Variants in SLCO4A1 observed in about 807,000 individuals in gnomAD.
SLCO4A1 encodes the protein solute carrier organic anion transporter family member 4A1, also known as colon organic anion transporter.
A neutral mutation model predicts 64.6 loss-of-function variants in SLCO4A1; 51 were observed. The observed-to-expected ratio is 0.79, with a 90% CI of 0.63 to 1.00. SLCO4A1 has a LOEUF of 1.00. Ranked by LOEUF, SLCO4A1 falls within the 50% of genes least tolerant of loss-of-function variation. The pLI is 0.00. For synonymous variants in SLCO4A1, 471 were observed against 444.9 expected, an observed-to-expected ratio of 1.06 and a Z score of -0.74; for missense variants, 919 against 980.5, an observed-to-expected ratio of 0.94 and a Z score of 0.84.
In SLCO4A1 at chr20:62,672,206, G is replaced by T; in HGVS notation, c.*313G>T. ...CCGCAGGGGCTGTGAATCCCACTGG[G>T]AGGGCGGTGGGCCTGCAGCCTGAGG... On this transcript the variant is annotated 3_prime_UTR_variant, in exon 12 of 12. Transcript: ENST00000217159. The T allele has an allele frequency of 7.7e-7, 1 of 1,296,670 alleles. No individual in the cohort carries two copies. The highest frequency in any genetic ancestry group is 1.7e-5 in the South Asian group (1 of 60,148). The allele number at this position is 1,296,670 out of a possible 1,614,324, so 80.3% of individuals were successfully genotyped here.
Position 62,657,019 on chromosome 20 carries a change from C to A in SLCO4A1, c.565C>A (p.Leu189Met), listed in dbSNP as rs1569129334. 1 of 1,584,994 alleles carries A rather than the reference C, an allele frequency of 6.3e-7. No individual in the cohort carries two copies. The highest frequency in any genetic ancestry group is 8.6e-7 in the Non-Finnish European group (1 of 1,161,744). The change falls in exon 2 of 12, where the codon CTG becomes ATG. Residue 189 changes from leucine (L) to methionine (M), a missense_variant. By Grantham distance (15) the Leu-to-Met change is conservative. Transcript: ENST00000217159. ...LMGTGSLVFALPHFTAGRYEV... is the reference protein window; with the variant it reads ...LMGTGSLVFAMPHFTAGRYEV... ...GGGCACGGGGTCGCTGGTGTTCGCG[C>A]TGCCCCACTTCACGGCTGGCCGCTA...
At chr20:62,667,604 T>G (rs1601670599) in intron 7 of SLCO4A1, 141 bp from the exon 8 acceptor site, 1 of 953,718 alleles carries the variant, frequency 1.0e-6, no homozygotes, top group Non-Finnish European at 1.6e-6. Context: ...CCCAGCGTGC[T>G]GGGGGCGGTG....
At chr20:62,643,937 A>G (rs1413567992) in intron 1 of SLCO4A1, among the ~76,000 whole-genome samples, 2 of 152,172 alleles carry the variant, frequency 1.3e-5, no homozygotes, top group Non-Finnish European at 2.9e-5. Flanking sequence ...AGGTTAAGTG[A>G]TTGACTCTAG....
intron 2 of SLCO4A1, among the ~76,000 whole-genome samples, chr20:62,681,482 A>C (rs1312953855): frequency 8.6e-6 from 1 of 116,946 alleles, no homozygotes; most frequent in African/African-American, 3.4e-5. Context: ...GTGTGTGTTA[A>C]GCTGTGTGTA....
chr20:62,658,639 G>T, intron 2 of SLCO4A1, 38 bp from the exon 3 acceptor site: 1 of 1,538,546 alleles, frequency 6.5e-7, no homozygotes, highest in Non-Finnish European at 8.9e-7. Flanking sequence ...GCCCCTGGGT[G>T]GTGCACAGCG....
At chr20:62,653,147 C>T (rs1982922752) in intron 1 of SLCO4A1, among the ~76,000 whole-genome samples, 2 of 152,248 alleles carry the variant, frequency 1.3e-5, no homozygotes, top group African/African-American at 4.8e-5. Context: ...CCGCCTTCGT[C>T]CCAAGGAGCC....
downstream of SLCO4A1, among the ~76,000 whole-genome samples, chr20:62,689,650 G>A (rs993312767): frequency 2.6e-5 from 4 of 152,162 alleles, no homozygotes; most frequent in African/African-American, 4.8e-5. Context: ...CCTGGGGACC[G>A]CCCCTTTCCA....
downstream of SLCO4A1, among the ~76,000 whole-genome samples, chr20:62,675,198 C>T (rs1455624711): frequency 6.6e-6 from 1 of 152,160 alleles, no homozygotes; most frequent in Non-Finnish European, 1.5e-5. Context: ...CAGGGAGCGG[C>T]CCCCAAAGCG....
chr20:62,661,040 C>CCCCCCCCCCCCCCCCAAA lies in SLCO4A1; in HGVS notation c.1010-23_1010-22insCCCCCCCCCCCCCCAAAC. 2.1e-6 allele frequency: 3 copies of CCCCCCCCCCCCCCCCAAA among 1,395,920 alleles called. No homozygotes were observed. The highest frequency in any genetic ancestry group is 2.0e-6 in the Non-Finnish European group (2 of 984,524). The allele number at this position is 1,395,920 out of a possible 1,614,324, so 86.5% of individuals were successfully genotyped here. ...CTCCGGGAGCCCCCAGCCCCCAGCC[C>CCCCCCCCCCCCCCCCAAA]CAGCTCACTCTGTGCCCTTCCAGGC... is the stretch of plus-strand genomic sequence containing the variant. On this transcript the variant is annotated intron_variant, in intron 4 of 11. Coordinates refer to ENST00000217159, the MANE Select transcript of SLCO4A1 (RefSeq NM_016354.4). This position sits in a 1 kb window ranked among gnomAD's most constrained non-coding sequence, Gnocchi z 5.2.
Position 62,661,321 on chromosome 20 carries a change from G to C in SLCO4A1, c.1121+146G>C. 4.7e-6 allele frequency: 3 copies of C among 637,260 alleles called. No individual in the cohort carries two copies. Among genetic ancestry groups the C allele is most frequent in the Non-Finnish European group, 5.6e-6 (2 of 356,712 alleles). 39.5% of individuals were successfully genotyped at this position (637,260 alleles called of 1,614,324 possible). A position where few individuals can be genotyped will look rare whatever the true frequency, so the allele number is the denominator to read the frequency against. On this transcript the variant is annotated intron_variant, in intron 5 of 11. Coordinates refer to ENST00000217159, the MANE Select transcript of SLCO4A1 (RefSeq NM_016354.4). The surrounding 1 kb of genome is among the most constrained non-coding windows in gnomAD (Gnocchi z 5.2). ...TGACCCTGGGCCAAGAGATTAAGGAGCAACAGATAGAGCCTCTGGGCCAGG... is the reference window on the plus strand; with the variant it reads ...TGACCCTGGGCCAAGAGATTAAGGACCAACAGATAGAGCCTCTGGGCCAGG...
intron 1 of SLCO4A1, among the ~76,000 whole-genome samples, chr20:62,648,787 G>T (rs1402291472): frequency 6.6e-6 from 1 of 152,202 alleles, no homozygotes; most frequent in African/African-American, 2.4e-5. Flanking sequence ...TTCACTCCAG[G>T]CTCCGGGCCT....
At chr20:62,684,475 C>G (rs1478622676) in intron 2 of SLCO4A1, among the ~76,000 whole-genome samples, 1 of 152,214 alleles carries the variant, frequency 6.6e-6, no homozygotes, top group Admixed American at 6.5e-5. Flanking sequence ...CTTCTGGGAG[C>G]CTCCGGTCTC....
At position 62,661,198 on chromosome 20, in the gene SLCO4A1, T is replaced by A; in HGVS notation, c.1121+23T>A. 6.5e-7 allele frequency: 1 copy of A among 1,541,262 alleles called. No individual in the cohort carries two copies. The highest frequency in any genetic ancestry group is 1.1e-5 in the South Asian group (1 of 89,600). On this transcript the variant is annotated intron_variant, in intron 5 of 11. Transcript: ENST00000217159. This position sits in a 1 kb window ranked among gnomAD's most constrained non-coding sequence, Gnocchi z 5.2. ...TCTGTAAGGACCGGAGTCGGGAGGG[T>A]TCCTAGTGTCCTCAGACCCTTTAAT...
chr20:62,672,129 T>C lies in SLCO4A1; in HGVS notation c.*236T>C. ...ACACACAGTTTGCATCAGAACGTGT[T>C]TATAGAATGTGTTTTATACCCGATC... On this transcript the variant is annotated 3_prime_UTR_variant, in exon 12 of 12. Coordinates refer to ENST00000217159, the MANE Select transcript of SLCO4A1 (RefSeq NM_016354.4). 2.1e-6 allele frequency: 3 copies of C among 1,414,930 alleles called. No homozygotes were observed. Among genetic ancestry groups the C allele is most frequent in the Non-Finnish European group, 1.8e-6 (2 of 1,081,992 alleles). The allele number at this position is 1,414,930 out of a possible 1,614,324, so 87.6% of individuals were successfully genotyped here.
chr20:62,660,357 A>G, intron 3 of SLCO4A1, 55 bp from the exon 4 acceptor site: 2 of 1,579,304 alleles, frequency 1.3e-6, no homozygotes, highest in Non-Finnish European at 1.7e-6. Flanking sequence ...TGTGTGTGCC[A>G]TGGAGGGCAC....
chr20:62,663,949 C>T (rs1044172288), intron 5 of SLCO4A1, among the ~76,000 whole-genome samples: 1 of 152,190 alleles, frequency 6.6e-6, no homozygotes, highest in Non-Finnish European at 1.5e-5. Context: ...GTTAGCCCTG[C>T]TCAGGCCTCC....
Position 62,668,074 on chromosome 20 carries a change from A to T in SLCO4A1, c.1701A>T (p.Ala567=), listed in dbSNP as rs746448490. The change falls in exon 9 of 12, where the codon GCA becomes GCT. Residue 567 remains alanine, a synonymous_variant. Coordinates refer to ENST00000217159, the MANE Select transcript of SLCO4A1 (RefSeq NM_016354.4). The part of the protein sequence containing the change: ...NLSSGFGHAT[A]GKCTSTCQRK... ...CCTCTGGTTTTGGCCATGCCACTGC[A>T]GGGAAATGCACTTCAACTTGTCAGA... 6.2e-7 allele frequency: 1 copy of T among 1,613,996 alleles called. No individual in the cohort carries two copies. Among genetic ancestry groups the T allele is most frequent in the Non-Finnish European group, 8.5e-7 (1 of 1,180,028 alleles).
intron 2 of SLCO4A1, among the ~76,000 whole-genome samples, chr20:62,680,606 T>G (rs1156458771): frequency 2.6e-5 from 4 of 152,110 alleles, no homozygotes; most frequent in Admixed American, 2.6e-4. Context: ...GGTGTTGAGC[T>G]TTGATGGCCG....
intron 7 of SLCO4A1, 85 bp downstream of exon 7, chr20:62,666,660 T>TG (rs1235168543): frequency 8.3e-7 from 1 of 1,202,372 alleles, no homozygotes; most frequent in African/African-American, 1.5e-5. Flanking sequence ...GTGCAGCACT[T>TG]GGGAGAGGTG....
Sources: allele counts gnomAD v4.1 joint callset (sites outside exome capture counted in the v4.1 genomes callset), GRCh38; gene constraint gnomAD v4.1.1; non-coding constraint Gnocchi (gnomAD v3.1); transcripts MANE v1.5; gene names NCBI Gene and HGNC (gene_info 2026-07-23, HGNC 2026-07-21).